The following TNN variants were observed in gnomAD, a reference collection of about 807,000 sequenced individuals.
TNN encodes the protein tenascin-N.
A neutral mutation model predicts 134.4 loss-of-function variants in TNN; 122 were observed. The ratio of observed to expected loss-of-function variants is 0.91; its 90% CI spans 0.78 to 1.06. The LOEUF is 1.06. Among genes scored for constraint, TNN ranks in the 50% least tolerant of loss-of-function variants. TNN has a pLI of 0.00. For synonymous variants in TNN, 710 were observed against 670.3 expected (o/e 1.06, Z -0.91); for missense variants, 1,739 against 1,699.4 (o/e 1.02, Z -0.41).
chr1:175,072,139 G>T (rs1335110236), intron 1 of TNN, among the ~76,000 whole-genome samples: 1 of 152,156 alleles, frequency 6.6e-6, no homozygotes, highest in Non-Finnish European at 1.5e-5. Flanking sequence ...CAGAAGTAGG[G>T]GGACCATCCA....
intron 1 of TNN, 67 bp from the exon 2 acceptor site, chr1:175,077,317 G>GT: frequency 2.4e-6 from 3 of 1,244,366 alleles, no homozygotes; most frequent in Non-Finnish European, 3.3e-6. Context: ...TTAGAATCTG[G>GT]TAAAAAAAAA....
chr1:175,108,108 C>G (rs1248302784), intron 9 of TNN, among the ~76,000 whole-genome samples: 2 of 151,564 alleles, frequency 1.3e-5, no homozygotes, highest in Non-Finnish European at 2.9e-5. Context: ...TTGAGCTAGA[C>G]ATAAAGGTTC....
chr1:175,105,110 G>A (rs1674815431), intron 9 of TNN, among the ~76,000 whole-genome samples: 1 of 145,994 alleles, frequency 6.8e-6, no homozygotes, highest in Non-Finnish European at 1.5e-5. Flanking sequence ...CTCTCAGGCT[G>A]CAGCTAAAGC....
At chr1:175,106,278 A>C (rs1674849917) in intron 9 of TNN, among the ~76,000 whole-genome samples, 1 of 145,814 alleles carries the variant, frequency 6.9e-6, no homozygotes, top group Non-Finnish European at 1.5e-5. Context: ...GAGGGAGGGG[A>C]TCTTCAGGGT....
At chr1:175,072,926 C>CTTTTT (rs60879960) in intron 1 of TNN, among the ~76,000 whole-genome samples, 897 of 46,738 alleles carry the variant, frequency 0.019, no homozygotes, top group Non-Finnish European at 0.022. Flanking sequence ...GAGTCCACGG[C>CTTTTT]TTTTTTTTTT....
chr1:175,100,259 A>C (rs1298862856), intron 9 of TNN, among the ~76,000 whole-genome samples: 1 of 152,226 alleles, frequency 6.6e-6, no homozygotes, highest in East Asian at 1.9e-4. Flanking sequence ...GATGTTTAGC[A>C]GCATCCCTGA....
chr1:175,097,817 C>G, intron 8 of TNN, 134 bp downstream of exon 8: 1 of 1,282,668 alleles, frequency 7.8e-7, no homozygotes, highest in Non-Finnish European at 1.1e-6. Context: ...AGACTGAGCT[C>G]TCGTGGTGAT....
At chr1:175,127,184 C>G in intron 13 of TNN, 99 bp downstream of exon 13, 1 of 1,382,810 alleles carries the variant, frequency 7.2e-7, no homozygotes, top group South Asian at 1.4e-5. Flanking sequence ...CGGCAACTTG[C>G]TGATCTTTAC....
At chr1:175,121,397 A>G (rs1675372526) in intron 11 of TNN, among the ~76,000 whole-genome samples, 1 of 152,232 alleles carries the variant, frequency 6.6e-6, no homozygotes, top group Non-Finnish European at 1.5e-5. Context: ...AGGGTGGAAG[A>G]GCAAGTGGCC....
chr1:175,098,469 C>T lies in TNN; in HGVS notation c.1993C>T (p.Pro665Ser). 1 of 1,614,106 alleles carries T rather than the reference C, an allele frequency of 6.2e-7. No homozygotes were observed. ...TGCTGGTGGAGAGACCAGGGAGGTT[C>T]CGGTGGGGAAGGAGCAGAGCAGCAC... ...TSAGGETREV[P>S]VGKEQSSTVL... The change falls in exon 9 of 19, where the codon CCG (proline) becomes TCG (serine). Residue 665 changes from proline to serine, a missense_variant. By Grantham distance (74) the Pro-to-Ser change is moderately conservative. Transcript: ENST00000239462.
chr1:175,091,267 G>T (rs943993535), intron 6 of TNN, among the ~76,000 whole-genome samples: 1 of 152,226 alleles, frequency 6.6e-6, no homozygotes, highest in Non-Finnish European at 1.5e-5. Context: ...TGAGAGAAAA[G>T]GGAAGGCAGG....
chr1:175,123,096 TTA>T (rs1675418688), intron 11 of TNN, among the ~76,000 whole-genome samples: 1 of 152,162 alleles, frequency 6.6e-6, no homozygotes, highest in Non-Finnish European at 1.5e-5. Flanking sequence ...AGAAAAGAGG[TTA>T]TATCCACAGC....
At chr1:175,108,350 A>G (rs1674913982) in intron 9 of TNN, among the ~76,000 whole-genome samples, 1 of 152,210 alleles carries the variant, frequency 6.6e-6, no homozygotes, top group African/African-American at 2.4e-5. Context: ...GCTAGATATA[A>G]AGACTCTCCA....
intron 1 of TNN, among the ~76,000 whole-genome samples, chr1:175,069,124 A>G (rs949368200): frequency 6.6e-6 from 1 of 152,132 alleles, no homozygotes; most frequent in Admixed American, 6.5e-5. Flanking sequence ...AAAAGTAACA[A>G]ACTGCCCACA....
chr1:175,082,535 T>C (rs1674221690), intron 4 of TNN, among the ~76,000 whole-genome samples: 1 of 152,188 alleles, frequency 6.6e-6, no homozygotes, highest in Non-Finnish European at 1.5e-5. Context: ...ATTCCATCTT[T>C]AATGGGAGTC....
In TNN at chr1:175,104,548, C is replaced by T. The variant is rs939767763; in HGVS notation, c.2119+5953C>T. Among the ~76,000 whole-genome samples the T allele has an allele frequency of 2.1e-5, 3 of 145,968 alleles. 1 individual carries two copies. The highest frequency in any genetic ancestry group is 4.6e-5 in the Non-Finnish European group (3 of 65,748). ...GTGATTGGCCTGCTCCATTTTCTGA[C>T]CTCTCTGAACCACCAAGGTTTGTTT... On this transcript the variant is annotated intron_variant, in intron 9 of 18. Coordinates refer to ENST00000239462, the MANE Select transcript of TNN (RefSeq NM_022093.2).
intron 18 of TNN, among the ~76,000 whole-genome samples, chr1:175,145,058 A>G (rs1224158857): frequency 6.6e-6 from 1 of 152,050 alleles, no homozygotes; most frequent in Non-Finnish European, 1.5e-5. Flanking sequence ...TCTCTTCTTC[A>G]TATAGGGGCA....
chr1:175,091,698 C>A (rs185398204), intron 6 of TNN, among the ~76,000 whole-genome samples: 1 of 152,106 alleles, frequency 6.6e-6, no homozygotes, highest in African/African-American at 2.4e-5. Flanking sequence ...AAGCCATTCT[C>A]GTGCCTCAGC....
At chr1:175,089,242 G>A (rs1674386014) in intron 6 of TNN, among the ~76,000 whole-genome samples, 2 of 152,218 alleles carry the variant, frequency 1.3e-5, no homozygotes, top group Admixed American at 6.5e-5. Context: ...TGGAACTTAA[G>A]AACAGCCTAA....
Sources: allele counts gnomAD v4.1 joint callset (sites outside exome capture counted in the v4.1 genomes callset), GRCh38; gene constraint gnomAD v4.1.1; transcripts MANE v1.5; gene names NCBI Gene and HGNC (gene_info 2026-07-23, HGNC 2026-07-21).